TRIOBP: variants seen among roughly 807,000 people sequenced by gnomAD.
The protein encoded by TRIOBP is TRIO and F-actin-binding protein.
TRIOBP carries 169 observed loss-of-function variants against 238.8 expected under a neutral mutation model. The ratio of observed to expected loss-of-function variants is 0.71; its 90% CI spans 0.62 to 0.80. The LOEUF is 0.80. Among genes scored for constraint, TRIOBP ranks in the 30% least tolerant of loss-of-function variants. TRIOBP has a pLI of 0.00. For synonymous variants in TRIOBP, 1,150 were observed against 1,274.4 expected, an observed-to-expected ratio of 0.90 and a Z score of 2.08; for missense variants, 2,838 against 3,122.6, an observed-to-expected ratio of 0.91 and a Z score of 2.17.
Position 37,757,628 on chromosome 22 carries a change from C to CTA in TRIOBP, c.5703_5704insTA (p.Lys1902Ter), listed in dbSNP as rs1569057667. ...GGTGCCCTAGGCTCTCGGACTCTAA[C>CTA]AAGGAGAACGCGCTGCACAGCTACA... On this transcript the variant is annotated frameshift_variant, in exon 16 of 24. Transcript: ENST00000644935. LOFTEE classifies it high-confidence loss of function. 6.3e-7 allele frequency: 1 copy of CTA among 1,587,730 alleles called. No individual in the cohort carries two copies. Among genetic ancestry groups the CTA allele is most frequent in the Admixed American group, 1.8e-5 (1 of 56,394 alleles).
chr22:37,745,021 C>T (rs1393535007), intron 11 of TRIOBP, among the ~76,000 whole-genome samples: 3 of 152,058 alleles, frequency 2.0e-5, no homozygotes, highest in Non-Finnish European at 2.9e-5. Flanking sequence ...CCTGACACCA[C>T]GCCCGGCTAA....
chr22:37,701,788 C>G (rs553526357), intron 3 of TRIOBP, among the ~76,000 whole-genome samples: 1 of 152,328 alleles, frequency 6.6e-6, no homozygotes, highest in East Asian at 1.9e-4. Flanking sequence ...ATCATCAACA[C>G]AAGTAGAAAA....
intron 6 of TRIOBP, among the ~76,000 whole-genome samples, chr22:37,717,588 C>G (rs1403212256): frequency 2.6e-5 from 4 of 152,182 alleles, no homozygotes; most frequent in Non-Finnish European, 4.4e-5. Context: ...CTCCAAGTCC[C>G]CAACAGAGTA....
intron 7 of TRIOBP, among the ~76,000 whole-genome samples, chr22:37,729,460 C>T (rs1378243359): frequency 3.3e-5 from 5 of 152,152 alleles, no homozygotes; most frequent in African/African-American, 9.7e-5. Context: ...AAGCAATGCT[C>T]CCACCTTGGC....
At position 37,759,246 on chromosome 22, in the gene TRIOBP, C is replaced by A. The variant is rs751941506; in HGVS notation, c.6306C>A (p.Pro2102=). 1.9e-6 allele frequency: 3 copies of A among 1,613,092 alleles called. No individual in the cohort carries two copies. Among genetic ancestry groups the A allele is most frequent in the Non-Finnish European group, 8.5e-7 (1 of 1,180,008 alleles). Residue 2102 remains proline (P), a synonymous_variant, in exon 17 of 24, where the codon CCC becomes CCA. Coordinates refer to ENST00000644935, the MANE Select transcript of TRIOBP (RefSeq NM_001039141.3). ...ALRSQEDGHI[P]PGYISQEACE... ...GATCCCAGGAGGATGGCCACATCCC[C>A]CCGGGCTACATCTCACAGGTAAGGC... is the stretch of plus-strand genomic sequence containing the variant.
At position 37,729,449 on chromosome 22, in the gene TRIOBP, C is replaced by T. The variant is rs183669755; in HGVS notation, c.3947+2946C>T. Among the ~76,000 whole-genome samples, 468 of 152,278 alleles carry T rather than the reference C, an allele frequency of 3.1e-3. 2 individuals are homozygous for T. The highest frequency in any genetic ancestry group is 8.1e-3 in the Admixed American group (124 of 15,288). Reference sequence around the variant, plus strand: ...CAGGTTGGTCTCAAACTCCTGGCCTCAAGCAATGCTCCCACCTTGGCCTCC... The same window carrying T: ...CAGGTTGGTCTCAAACTCCTGGCCTTAAGCAATGCTCCCACCTTGGCCTCC... On this transcript the variant is annotated intron_variant, in intron 7 of 23. Coordinates refer to ENST00000644935, the MANE Select transcript of TRIOBP (RefSeq NM_001039141.3).
chr22:37,719,885 C>T (rs1017649298), intron 6 of TRIOBP, among the ~76,000 whole-genome samples: 1 of 151,864 alleles, frequency 6.6e-6, no homozygotes, highest in African/African-American at 2.4e-5. Flanking sequence ...GAGTCCACAT[C>T]TCTGGCCTTG....
At position 37,713,264 on chromosome 22, in the gene TRIOBP, G is replaced by A. The variant is rs1923350987; in HGVS notation, c.309G>A (p.Arg103=). 2.5e-6 allele frequency: 4 copies of A among 1,613,762 alleles called. No homozygotes were observed. Among genetic ancestry groups the A allele is most frequent in the Non-Finnish European group, 3.4e-6 (4 of 1,179,896 alleles). ...LPEEGPTAAP[R]SRSRELEAVP... is the part of the protein sequence containing the mutation. ...AAGAGGGTCCCACAGCTGCCCCCAG[G>A]AGCAGGAGCCGGGAGCTTGAGGCAG... Residue 103 remains arginine, a synonymous_variant, in exon 5 of 24, where the codon AGG becomes AGA. Transcript: ENST00000644935.
chr22:37,752,604 T>C (rs1225919959), intron 12 of TRIOBP, among the ~76,000 whole-genome samples: 4 of 152,172 alleles, frequency 2.6e-5, no homozygotes, highest in African/African-American at 9.7e-5. Context: ...GGGGATTTCA[T>C]TGTGTTTCCG....
Position 37,755,489 on chromosome 22 carries a change from T to C in TRIOBP, c.5578-61T>C, listed in dbSNP as rs1001615087. Reference sequence around the variant, plus strand: ...GAAGGGCCACCCTCCCTGGGGTCCATAGTGGGGAGGGAGTCATGCGGCTGG... The same window carrying C: ...GAAGGGCCACCCTCCCTGGGGTCCACAGTGGGGAGGGAGTCATGCGGCTGG... On this transcript the variant is annotated intron_variant, in intron 14 of 23. Transcript: ENST00000644935. The C allele has an allele frequency of 5.6e-6, 8 of 1,429,608 alleles. No homozygotes were observed. In the African/African-American group the frequency reaches 7.0e-5, roughly 13 times the overall value. 88.6% of individuals were successfully genotyped at this position (1,429,608 alleles called of 1,614,324 possible).
At chr22:37,712,138 C>T (rs997064671) in intron 4 of TRIOBP, among the ~76,000 whole-genome samples, 1 of 151,782 alleles carries the variant, frequency 6.6e-6, no homozygotes, top group Non-Finnish European at 1.5e-5. Context: ...CTTGGCCAGT[C>T]TCTTGACCTC....
Position 37,758,118 on chromosome 22 carries a change from C to T in TRIOBP, c.6193C>T (p.His2065Tyr). Residue 2065 changes from histidine (H) to tyrosine (Y), a missense_variant, in exon 16 of 24, where the codon CAC becomes TAC. His to Tyr is a moderately conservative substitution (Grantham distance 83, BLOSUM62 2). Transcript: ENST00000644935. The stretch of plus-strand genomic sequence containing the variant: ...GCGCCGAGGGCCCCCAAGTGACGGC[C>T]ACGAGGCACTGGAGAAGGAGGTAGG... ...GERRGPPSDGHEALEKEVQAL... is the reference protein window; with the variant it reads ...GERRGPPSDGYEALEKEVQAL... 6.2e-7 allele frequency: 1 copy of T among 1,610,974 alleles called. No individual in the cohort carries two copies. Among genetic ancestry groups the T allele is most frequent in the Admixed American group, 1.7e-5 (1 of 59,994 alleles).
intron 11 of TRIOBP, among the ~76,000 whole-genome samples, chr22:37,745,496 C>T (rs1196186977): frequency 6.6e-6 from 1 of 152,158 alleles, no homozygotes; most frequent in African/African-American, 2.4e-5. Context: ...ATCTAACAAA[C>T]GGCCCAGCGT....
chr22:37,710,111 G>A (rs962364031), intron 3 of TRIOBP, among the ~76,000 whole-genome samples: 10 of 152,250 alleles, frequency 6.6e-5, no homozygotes, highest in Non-Finnish European at 1.3e-4. Flanking sequence ...CGGGACCTGC[G>A]TAGACACGCA....
At position 37,726,083 on chromosome 22, in the gene TRIOBP, C is replaced by G; in HGVS notation, c.3527C>G (p.Ser1176Cys). 6.4e-7 allele frequency: 1 copy of G among 1,556,790 alleles called. No individual in the cohort carries two copies. The highest frequency in any genetic ancestry group is 8.7e-7 in the Non-Finnish European group (1 of 1,146,068). ...IGHRDAPSFSSPPRQAPEPSL... is the reference protein window; with the variant it reads ...IGHRDAPSFSCPPRQAPEPSL... Reference sequence around the variant, plus strand: ...CACCGGGATGCACCCTCCTTCTCATCCCCACCACGCCAGGCTCCTGAGCCA... The same window carrying G: ...CACCGGGATGCACCCTCCTTCTCATGCCCACCACGCCAGGCTCCTGAGCCA... Residue 1176 changes from serine (S) to cysteine (C), a missense_variant, in exon 7 of 24, where the codon TCC (serine) becomes TGC (cysteine). By Grantham distance (112) the Ser-to-Cys change is moderately radical. Coordinates refer to ENST00000644935, the MANE Select transcript of TRIOBP (RefSeq NM_001039141.3).
intron 7 of TRIOBP, 94 bp from the exon 8 acceptor site, chr22:37,733,204 G>A (rs1473094740): frequency 1.8e-5 from 18 of 995,896 alleles, no homozygotes; most frequent in Non-Finnish European, 2.8e-5. Context: ...GTCCCTGGCT[G>A]TCCCACATCT....
intron 3 of TRIOBP, among the ~76,000 whole-genome samples, chr22:37,705,935 ACT>A (rs1311901758): frequency 6.6e-6 from 1 of 151,724 alleles, no homozygotes; most frequent in Non-Finnish European, 1.5e-5. Context: ...TTTCACAGTC[ACT>A]CTGATTGCTG....
At chr22:37,716,867 A>T (rs192454854) in intron 6 of TRIOBP, among the ~76,000 whole-genome samples, 1 of 152,372 alleles carries the variant, frequency 6.6e-6, no homozygotes, top group East Asian at 1.9e-4. Context: ...AGACTGTTGC[A>T]GGCACTGTAG....
chr22:37,704,623 T>C (rs1255973664), intron 3 of TRIOBP, among the ~76,000 whole-genome samples: 1 of 149,776 alleles, frequency 6.7e-6, no homozygotes, highest in Non-Finnish European at 1.5e-5. Flanking sequence ...GTAAGTGGCA[T>C]GAAGGTAAAG....
Sources: allele counts gnomAD v4.1 joint callset (sites outside exome capture counted in the v4.1 genomes callset), GRCh38; gene constraint gnomAD v4.1.1; transcripts MANE v1.5; gene names NCBI Gene and HGNC (gene_info 2026-07-23, HGNC 2026-07-21).